GRIK2: variants seen among roughly 807,000 people sequenced by gnomAD.
GRIK2 encodes the protein glutamate ionotropic receptor kainate type subunit 2.
In GRIK2, 32 loss-of-function variants were observed where a neutral mutation model predicts 100.3. That is an observed-to-expected ratio of 0.32 (90% CI 0.24 to 0.43). The LOEUF (loss-of-function observed/expected upper bound fraction) is 0.43. GRIK2 is among the 20% of genes least tolerant of loss of function. The probability of loss-of-function intolerance (pLI) is 1.00; values close to 1 mark genes in which losing one functional copy is unlikely to be tolerated. For missense variants in GRIK2, 843 were observed against 1,114.9 expected, an observed-to-expected ratio of 0.76 and a Z score of 3.47; for synonymous variants, 417 against 389.4, an observed-to-expected ratio of 1.07 and a Z score of -0.83.
intron 2 of GRIK2, among the ~76,000 whole-genome samples, chr6:101,472,087 AG>A (rs970530607): frequency 1.3e-5 from 2 of 151,866 alleles, no homozygotes; most frequent in Non-Finnish European, 1.5e-5. Context: ...TGGATTATTC[AG>A]TTATAGCATT....
chr6:101,840,954 A>G (rs1016115584), intron 10 of GRIK2, among the ~76,000 whole-genome samples: 4 of 152,224 alleles, frequency 2.6e-5, no homozygotes, highest in African/African-American at 7.2e-5. Flanking sequence ...AGAATACCTT[A>G]TGCTACATTC....
chr6:101,890,222 G>T, intron 12 of GRIK2: 1 of 162,668 alleles, frequency 6.1e-6, no homozygotes, highest in Non-Finnish European at 1.3e-5. Flanking sequence ...TAATAATTCA[G>T]TTATAAGAAA....
At chr6:101,586,972 C>G (rs982571649) in intron 2 of GRIK2, among the ~76,000 whole-genome samples, 1 of 147,464 alleles carries the variant, frequency 6.8e-6, no homozygotes, top group South Asian at 2.1e-4. Flanking sequence ...AATAATGGGA[C>G]AATCTGGGAA....
chr6:101,829,729 A>G (rs921398526), intron 10 of GRIK2, among the ~76,000 whole-genome samples: 2 of 151,908 alleles, frequency 1.3e-5, no homozygotes, highest in Admixed American at 6.6e-5. Flanking sequence ...AGACAAAACA[A>G]CAACAACAGC....
chr6:101,835,250 A>G (rs1306613635), intron 10 of GRIK2, among the ~76,000 whole-genome samples: 1 of 151,880 alleles, frequency 6.6e-6, no homozygotes, highest in Admixed American at 6.6e-5. Context: ...AGCCAGTTTT[A>G]TTTTAACTTG....
intron 2 of GRIK2, among the ~76,000 whole-genome samples, chr6:101,402,099 C>A (rs955775898): frequency 6.6e-6 from 1 of 152,180 alleles, no homozygotes; most frequent in East Asian, 1.9e-4. Flanking sequence ...CCTCCTGTCA[C>A]CTCCTGCGAG....
chr6:101,886,708 C>G (rs1352476024), intron 11 of GRIK2, among the ~76,000 whole-genome samples: 2 of 151,740 alleles, frequency 1.3e-5, no homozygotes, highest in Non-Finnish European at 2.9e-5. Flanking sequence ...TCTCTTGAAC[C>G]TATTTCTCCT....
rs1232440843 is a variant in GRIK2, at chr6:101,849,094, TAACTAA to T, written c.1318-10188_1318-10183del. Among the ~76,000 whole-genome samples, 6 of 146,860 alleles carry T rather than the reference TAACTAA, an allele frequency of 4.1e-5. No homozygotes were observed. In the East Asian group the frequency reaches 1.8e-3, roughly 44 times the overall value. On this transcript the variant is annotated intron_variant, in intron 10 of 16. Transcript: ENST00000369134. ...GGGTTGAAAAGAATGTTAAAACAGG[TAACTAA>T]AACTTGCTGCCTTATACTATCTAGT...
chr6:101,729,949 T>C (rs947010655), intron 7 of GRIK2, among the ~76,000 whole-genome samples: 6 of 151,918 alleles, frequency 3.9e-5, no homozygotes, highest in African/African-American at 1.2e-4. Context: ...TGGCAATTAG[T>C]TGTTTATTGA....
At chr6:101,609,784 G>A (rs1180892093) in intron 2 of GRIK2, among the ~76,000 whole-genome samples, 1 of 151,720 alleles carries the variant, frequency 6.6e-6, no homozygotes, top group Non-Finnish European at 1.5e-5. Flanking sequence ...ACCATGTATG[G>A]TAATAGAAGG....
intron 14 of GRIK2, among the ~76,000 whole-genome samples, chr6:101,973,647 A>C (rs1793193228): frequency 1.3e-5 from 2 of 151,944 alleles, no homozygotes; most frequent in African/African-American, 4.8e-5. Flanking sequence ...ATTAAATGAT[A>C]ATTTTAAAGG....
intron 2 of GRIK2, among the ~76,000 whole-genome samples, chr6:101,585,878 A>G (rs1778333293): frequency 1.3e-5 from 2 of 152,142 alleles, no homozygotes. Flanking sequence ...CTGTACAATC[A>G]TGTGGTGGAG....
chr6:101,634,819 T>C (rs1780927446), intron 4 of GRIK2, among the ~76,000 whole-genome samples: 1 of 152,068 alleles, frequency 6.6e-6, no homozygotes, highest in African/African-American at 2.4e-5. Flanking sequence ...AGCTTTTATC[T>C]TAAGCAAAAA....
chr6:101,683,404 T>C (rs999323316), intron 6 of GRIK2, among the ~76,000 whole-genome samples: 4 of 152,162 alleles, frequency 2.6e-5, no homozygotes, highest in African/African-American at 9.7e-5. Context: ...AATGTTACCT[T>C]TATATTTTGT....
intron 7 of GRIK2, among the ~76,000 whole-genome samples, chr6:101,772,245 G>T (rs1778451049): frequency 6.6e-6 from 1 of 152,170 alleles, no homozygotes. Flanking sequence ...AAAAAGCTTG[G>T]GTTTAACTAA....
chr6:101,580,003 C>T (rs1398028009), intron 2 of GRIK2, among the ~76,000 whole-genome samples: 1 of 152,056 alleles, frequency 6.6e-6, no homozygotes, highest in African/African-American at 2.4e-5. Flanking sequence ...CTTAATTTAT[C>T]ACTACATTTT....
At chr6:101,497,003 A>G (rs1773480123) in intron 2 of GRIK2, among the ~76,000 whole-genome samples, 1 of 152,208 alleles carries the variant, frequency 6.6e-6, no homozygotes, top group South Asian at 2.1e-4. Flanking sequence ...AGAGCTAAAT[A>G]GATCTAATTC....
chr6:101,712,211 G>T (rs545617180), intron 7 of GRIK2, among the ~76,000 whole-genome samples: 4 of 151,908 alleles, frequency 2.6e-5, no homozygotes, highest in African/African-American at 9.6e-5. Flanking sequence ...GATCATAGCT[G>T]ACTGCTATCT....
chr6:101,966,208 T>A (rs541052670), intron 14 of GRIK2, among the ~76,000 whole-genome samples: 28 of 152,294 alleles, frequency 1.8e-4, no homozygotes, highest in Admixed American at 1.8e-3. Flanking sequence ...AACAATGTAC[T>A]TTGTATTTTA....
Sources: allele counts gnomAD v4.1 joint callset (sites outside exome capture counted in the v4.1 genomes callset), GRCh38; gene constraint gnomAD v4.1.1; transcripts MANE v1.5; gene names NCBI Gene and HGNC (gene_info 2026-07-23, HGNC 2026-07-21).